Variants in APPL1 observed in about 807,000 individuals in gnomAD.
The protein encoded by APPL1 is adaptor protein, phosphotyrosine interacting with PH domain and leucine zipper 1.
In APPL1, 42 loss-of-function variants were observed where a neutral mutation model predicts 106.8. The observed-to-expected ratio is 0.39, with a 90% CI of 0.31 to 0.51. The LOEUF (loss-of-function observed/expected upper bound fraction) is 0.51, where lower values mean the gene tolerates loss of function less well. Ranked by LOEUF, APPL1 falls within the 20% of genes least tolerant of loss-of-function variation. APPL1 has a pLI of 0.75. For synonymous variants in APPL1, 263 were observed against 281.8 expected, an observed-to-expected ratio of 0.93 and a Z score of 0.67; for missense variants, 769 against 858.2, an observed-to-expected ratio of 0.90 and a Z score of 1.30.
chr3:57,260,841 ATAAT>A (rs2060861376), intron 19 of APPL1, 67 bp downstream of exon 19: 20 of 1,389,284 alleles, frequency 1.4e-5, no homozygotes, highest in Middle Eastern at 1.9e-4. Context: ...AGATTTAATA[ATAAT>A]TAAATTCTTA....
In APPL1 at chr3:57,242,869, G is replaced by A. The variant is rs140443720; in HGVS notation, c.429G>A (p.Ala143=). The A allele has an allele frequency of 1.4e-5, 22 of 1,611,496 alleles. No homozygotes were observed. The highest frequency in any genetic ancestry group is 1.7e-5 in the Non-Finnish European group (20 of 1,178,316). ...FQIASNDHDA[A]INRYSRLSKK... ...TCTTTTTTCCAGATCATGATGCTGCGATTAATAGATATAGCCGTTTATCAA... is the reference window on the plus strand; with the variant it reads ...TCTTTTTTCCAGATCATGATGCTGCAATTAATAGATATAGCCGTTTATCAA... The change falls in exon 7 of 22, where the codon GCG becomes GCA. Residue 143 remains alanine, a synonymous_variant. Coordinates refer to ENST00000288266, the MANE Select transcript of APPL1 (RefSeq NM_012096.3).
chr3:57,244,887 G>A (rs2060764654), intron 7 of APPL1, among the ~76,000 whole-genome samples: 1 of 152,166 alleles, frequency 6.6e-6, no homozygotes, highest in African/African-American at 2.4e-5. Flanking sequence ...AAATGGAGAG[G>A]AAGGAGTACT....
rs770885697 is a variant in APPL1, at chr3:57,269,726, C to T, written c.*39C>T. 5 of 1,603,710 alleles carry T rather than the reference C, an allele frequency of 3.1e-6. No individual in the cohort carries two copies. In the South Asian group the frequency reaches 5.6e-5, roughly 18 times the overall value. On this transcript the variant is annotated 3_prime_UTR_variant, in exon 22 of 22. Transcript: ENST00000288266. Reference sequence around the variant, plus strand: ...GTAGATATTCCCCCTTGGAATTTGACAGTTTCTATGGTGAAATGGCAGAAG... The same window carrying T: ...GTAGATATTCCCCCTTGGAATTTGATAGTTTCTATGGTGAAATGGCAGAAG...
intron 2 of APPL1, 69 bp downstream of exon 2, chr3:57,235,733 G>A: frequency 3.6e-6 from 4 of 1,121,782 alleles, no homozygotes; most frequent in Non-Finnish European, 5.3e-6. Context: ...GACAGATAGT[G>A]TCTGTCTTGT....
chr3:57,260,705 A>G lies in APPL1; in HGVS notation c.1773A>G (p.Ser591=). The change falls in exon 19 of 22, where the codon TCA becomes TCG. Residue 591 remains serine, a synonymous_variant. Coordinates refer to ENST00000288266, the MANE Select transcript of APPL1 (RefSeq NM_012096.3). Reference sequence around the variant, plus strand: ...TTTTTGGATTTGTTCTTCGGACATCAAGCGGGAGAAGTGAAAGTAATCTGT... The same window carrying G: ...TTTTTGGATTTGTTCTTCGGACATCGAGCGGGAGAAGTGAAAGTAATCTGT... ...KRLFGFVLRT[S]SGRSESNLSS... is the part of the protein sequence containing the mutation. The G allele has an allele frequency of 6.2e-7, 1 of 1,612,990 alleles. No individual in the cohort carries two copies. The highest frequency in any genetic ancestry group is 8.5e-7 in the Non-Finnish European group (1 of 1,179,296).
In APPL1 at chr3:57,228,707, C is replaced by T. The variant is rs1384194700; in HGVS notation, c.54+770C>T. 6.6e-6 allele frequency among the ~76,000 whole-genome samples: 1 copy of T among 152,226 alleles called. No individual in the cohort carries two copies. The highest frequency in any genetic ancestry group is 1.5e-5 in the Non-Finnish European group (1 of 68,048). On this transcript the variant is annotated intron_variant, in intron 1 of 21. Transcript: ENST00000288266. The surrounding 1 kb of genome is among the most constrained non-coding windows in gnomAD (Gnocchi z 4.6). Reference sequence around the variant, plus strand: ...GTAACCATTTAATATGTTTTCAGTACTGCAGAATGAAAGCAGCTATATTTT... The same window carrying T: ...GTAACCATTTAATATGTTTTCAGTATTGCAGAATGAAAGCAGCTATATTTT...
intron 18 of APPL1, 86 bp downstream of exon 18, chr3:57,260,239 T>TATTC (rs1559513290): frequency 2.2e-6 from 3 of 1,377,454 alleles, no homozygotes. Context: ...TGATCCTGTA[T>TATTC]ATTCAAGTGT....
At chr3:57,247,532 C>T in intron 9 of APPL1, 55 bp downstream of exon 9, 3 of 1,090,330 alleles carry the variant, frequency 2.8e-6, no homozygotes, top group Admixed American at 3.9e-5. Flanking sequence ...GATAACAGCT[C>T]AATGACATAA....
At chr3:57,249,296 T>A (rs539629582) in intron 10 of APPL1, 64 bp from the exon 11 acceptor site, 3 of 1,561,444 alleles carry the variant, frequency 1.9e-6, no homozygotes, top group East Asian at 2.2e-5. Flanking sequence ...TTATCTTGTG[T>A]CTAGCTGATG....
Position 57,269,856 on chromosome 3 carries a change from C to A in APPL1, c.*169C>A. On this transcript the variant is annotated 3_prime_UTR_variant, in exon 22 of 22. Transcript: ENST00000288266. ...GATTGAACTTGATGACTTAGGTTTG[C>A]ATTGATCTTTTTTCCCCCTTAAACA... 2 of 754,218 alleles carry A rather than the reference C, an allele frequency of 2.7e-6. No homozygotes were observed. The highest frequency in any genetic ancestry group is 4.1e-6 in the Non-Finnish European group (2 of 492,610). The allele number at this position is 754,218 out of a possible 1,614,324, so 46.7% of individuals were successfully genotyped here.
chr3:57,258,975 A>G (rs767412693), intron 15 of APPL1, 53 bp from the exon 16 acceptor site: 70 of 1,332,428 alleles, frequency 5.3e-5, no homozygotes, highest in East Asian at 3.2e-4. Context: ...GATTTCTTCT[A>G]TGTGGCTCAT....
At chr3:57,268,569 C>T in intron 21 of APPL1, 82 bp downstream of exon 21, 1 of 1,439,266 alleles carries the variant, frequency 6.9e-7, no homozygotes, top group Non-Finnish European at 9.2e-7. Context: ...TTTGAATTTC[C>T]AAATGAAGGG....
At chr3:57,237,889 A>T (rs1362324248) in intron 3 of APPL1, among the ~76,000 whole-genome samples, 156 bp from the exon 4 acceptor site, 1 of 152,208 alleles carries the variant, frequency 6.6e-6, no homozygotes, top group Admixed American at 6.5e-5. Flanking sequence ...ATTAATGTTT[A>T]TTATATACAT....
At chr3:57,236,591 G>A (rs1315577870) in intron 2 of APPL1, among the ~76,000 whole-genome samples, 1 of 152,348 alleles carries the variant, frequency 6.6e-6, no homozygotes, top group African/African-American at 2.4e-5. Flanking sequence ...GCCTCCCAAA[G>A]TGCTGGGATT....
At chr3:57,230,837 A>G in intron 1 of APPL1, 1 of 427,568 alleles carries the variant, frequency 2.3e-6, no homozygotes. Flanking sequence ...TGGCACAGCC[A>G]TAGCTCTGAA....
intron 1 of APPL1, among the ~76,000 whole-genome samples, chr3:57,232,625 A>G (rs904762662): frequency 1.3e-5 from 2 of 152,244 alleles, no homozygotes; most frequent in African/African-American, 2.4e-5. Flanking sequence ...AAAATGGAGT[A>G]CTTCTAAGAA....
In APPL1 at chr3:57,246,231, T is replaced by C. The variant is rs770544399; in HGVS notation, c.621+9T>C. ...GGTACATGCAAGCTCAGGTAAATAC[T>C]GTACTGTATTTGGATTATAACTGTC... On this transcript the variant is annotated intron_variant, in intron 8 of 21. Coordinates refer to ENST00000288266, the MANE Select transcript of APPL1 (RefSeq NM_012096.3). The C allele has an allele frequency of 1.0e-5, 16 of 1,574,766 alleles. No individual in the cohort carries two copies. The African/African-American group carries it at 1.6e-4, about 16-fold the overall frequency.
At chr3:57,247,503 AAAATG>A in intron 9 of APPL1, 26 bp downstream of exon 9, 1 of 1,401,458 alleles carries the variant, frequency 7.1e-7, no homozygotes, top group South Asian at 1.2e-5. Flanking sequence ...CTTAAAATTG[AAAATG>A]AAATGATGTG....
intron 12 of APPL1, among the ~76,000 whole-genome samples, 158 bp downstream of exon 12, chr3:57,252,469 C>T (rs993482133): frequency 2.0e-5 from 3 of 152,192 alleles, no homozygotes; most frequent in South Asian, 4.2e-4. Flanking sequence ...CTATTGTCCT[C>T]GAGCAATATT....
Sources: allele counts gnomAD v4.1 joint callset (sites outside exome capture counted in the v4.1 genomes callset), GRCh38; gene constraint gnomAD v4.1.1; non-coding constraint Gnocchi (gnomAD v3.1); transcripts MANE v1.5; gene names NCBI Gene and HGNC (gene_info 2026-07-23, HGNC 2026-07-21).